The following MSRA variants were observed in gnomAD, a reference collection of about 807,000 sequenced individuals.
The protein encoded by MSRA is mitochondrial peptide methionine sulfoxide reductase.
MSRA carries 54 observed loss-of-function variants against 31.3 expected under a neutral mutation model. The observed-to-expected ratio is 1.73, with a 90% CI of 1.39 to 2.17. The LOEUF (loss-of-function observed/expected upper bound fraction) is 2.17. Ranked by LOEUF, MSRA falls within the 30% of genes most tolerant of loss-of-function variation. The pLI, the probability that MSRA is intolerant of heterozygous loss-of-function variation, is 0.00. For synonymous variants in MSRA, 169 were observed against 116.5 expected, an observed-to-expected ratio of 1.45 and a Z score of -2.90; for missense variants, 507 against 300.9, an observed-to-expected ratio of 1.69 and a Z score of -5.07.
chr8:10,386,989 G>C (rs1482382289), intron 5 of MSRA, among the ~76,000 whole-genome samples: 1 of 152,064 alleles, frequency 6.6e-6, no homozygotes, highest in East Asian at 1.9e-4. Flanking sequence ...TGATGTGCGT[G>C]CAGAACACCT....
intron 5 of MSRA, among the ~76,000 whole-genome samples, chr8:10,327,601 TGCGGGGAG>T (rs1802434299): frequency 2.6e-5 from 4 of 152,136 alleles, no homozygotes; most frequent in African/African-American, 9.7e-5. Context: ...TGTGTTTTGT[TGCGGGGAG>T]GCGGGGAGGA....
At chr8:10,247,918 G>A (rs567552507) in intron 3 of MSRA, among the ~76,000 whole-genome samples, 33 of 152,212 alleles carry the variant, frequency 2.2e-4, no homozygotes, top group Non-Finnish European at 3.5e-4. Context: ...AAGGTCCCTC[G>A]CTAGAGTAAT....
chr8:10,234,834 C>T (rs1412816274), intron 2 of MSRA, among the ~76,000 whole-genome samples: 1 of 151,898 alleles, frequency 6.6e-6, no homozygotes, highest in Non-Finnish European at 1.5e-5. Flanking sequence ...ACTTTAATAG[C>T]ATTAAAAATA....
intron 5 of MSRA, among the ~76,000 whole-genome samples, chr8:10,426,795 A>G (rs1352548668): frequency 1.3e-5 from 2 of 152,240 alleles, no homozygotes; most frequent in African/African-American, 4.8e-5. Context: ...CTTTGCACAG[A>G]TCATGGCATA....
At chr8:10,386,094 A>G (rs1196492854) in intron 5 of MSRA, among the ~76,000 whole-genome samples, 1 of 152,228 alleles carries the variant, frequency 6.6e-6, no homozygotes, top group Admixed American at 6.5e-5. Flanking sequence ...GGGGCCATTG[A>G]AGTGCCTGTG....
At chr8:10,423,044 C>G (rs1019086904) in intron 5 of MSRA, among the ~76,000 whole-genome samples, 1 of 152,190 alleles carries the variant, frequency 6.6e-6, no homozygotes, top group African/African-American at 2.4e-5. Flanking sequence ...CGGGTGCAGC[C>G]TCCTTATTGG....
intron 5 of MSRA, among the ~76,000 whole-genome samples, chr8:10,418,955 C>G (rs1337444118): frequency 5.3e-5 from 8 of 151,580 alleles, no homozygotes; most frequent in Non-Finnish European, 1.5e-5. Flanking sequence ...GAGACCCTGT[C>G]TCCAAAAACA....
intron 3 of MSRA, among the ~76,000 whole-genome samples, chr8:10,252,675 A>C (rs1797978099): frequency 6.6e-6 from 1 of 152,204 alleles, no homozygotes; most frequent in Non-Finnish European, 1.5e-5. Flanking sequence ...GGGCCTGCAG[A>C]ATCAGGGCAA....
At chr8:10,265,990 C>T (rs1798728720) in intron 3 of MSRA, among the ~76,000 whole-genome samples, 1 of 152,148 alleles carries the variant, frequency 6.6e-6, no homozygotes, top group Non-Finnish European at 1.5e-5. Context: ...CATCCTTTTC[C>T]CTGCTGATGA....
At chr8:10,291,728 A>C (rs1800247184) in intron 3 of MSRA, among the ~76,000 whole-genome samples, 1 of 152,060 alleles carries the variant, frequency 6.6e-6, no homozygotes, top group African/African-American at 2.4e-5. Flanking sequence ...GATTTGGTTT[A>C]ACGGTTTGGA....
chr8:10,221,828 G>A (rs1810528514), intron 2 of MSRA, among the ~76,000 whole-genome samples: 1 of 152,152 alleles, frequency 6.6e-6, no homozygotes, highest in Admixed American at 6.6e-5. Context: ...GAGACAGGTT[G>A]TTTTGCACAG....
At chr8:10,060,784 A>C (rs1272038522) in intron 1 of MSRA, among the ~76,000 whole-genome samples, 1 of 152,162 alleles carries the variant, frequency 6.6e-6, no homozygotes, top group Non-Finnish European at 1.5e-5. Context: ...AAGTCATTTT[A>C]CATTTCATAA....
intron 5 of MSRA, among the ~76,000 whole-genome samples, chr8:10,341,074 C>T (rs1039500421): frequency 3.9e-5 from 6 of 152,220 alleles, no homozygotes; most frequent in Non-Finnish European, 7.3e-5. Context: ...CAGACTCCCA[C>T]TCAGACCTAC....
intron 1 of MSRA, among the ~76,000 whole-genome samples, chr8:10,188,651 G>A (rs959259813): frequency 6.6e-6 from 1 of 152,080 alleles, no homozygotes; most frequent in Non-Finnish European, 1.5e-5. Context: ...AGCACCATTT[G>A]CTGAAAAGAC....
At chr8:10,276,128 A>C (rs551025506) in intron 3 of MSRA, among the ~76,000 whole-genome samples, 35 of 152,266 alleles carry the variant, frequency 2.3e-4, no homozygotes, top group Non-Finnish European at 4.3e-4. Flanking sequence ...CGACACATGT[A>C]GGGTGACCTC....
intron 5 of MSRA, among the ~76,000 whole-genome samples, chr8:10,378,181 GC>G (rs750808744): frequency 1.8e-4 from 27 of 152,354 alleles, no homozygotes; most frequent in Non-Finnish European, 2.8e-4. Context: ...TCTGCCACAG[GC>G]TGGCTGTGTG....
chr8:10,055,533 C>A (rs531789831), intron 1 of MSRA, among the ~76,000 whole-genome samples: 1 of 152,340 alleles, frequency 6.6e-6, no homozygotes, highest in South Asian at 2.1e-4. Context: ...GTGGGCGTTC[C>A]CCCATTACTG....
chr8:10,365,142 CAAAA>C (rs1171189760), intron 5 of MSRA, among the ~76,000 whole-genome samples: 1 of 61,278 alleles, frequency 1.6e-5, no homozygotes, highest in Non-Finnish European at 3.4e-5. Flanking sequence ...GTGAAGCAAC[CAAAA>C]AAAAAAAAAA....
intron 5 of MSRA, among the ~76,000 whole-genome samples, chr8:10,408,974 G>C (rs544725989): frequency 3.3e-5 from 5 of 152,214 alleles, no homozygotes; most frequent in African/African-American, 4.8e-5. Flanking sequence ...TCTGTTGAAG[G>C]ATGTTTAGGT....
Sources: gnomAD v4.1 joint callset for allele counts (sites outside exome capture counted in the v4.1 genomes callset) on GRCh38, gnomAD v4.1.1 for gene constraint, MANE v1.5 for transcripts, NCBI Gene and HGNC (gene_info 2026-07-23, HGNC 2026-07-21) for gene names.